The following KCNH7 variants were observed in gnomAD, a reference collection of about 807,000 sequenced individuals.
The protein encoded by KCNH7 is voltage-gated inwardly rectifying potassium channel KCNH7.
A neutral mutation model predicts 120.8 loss-of-function variants in KCNH7; 49 were observed. The observed-to-expected ratio is 0.41, with a 90% CI of 0.32 to 0.51. KCNH7 has a LOEUF of 0.51. Ranked by LOEUF, KCNH7 falls within the 20% of genes least tolerant of loss-of-function variation. KCNH7 has a pLI of 0.38. For missense variants in KCNH7, 1,097 were observed against 1,446.6 expected (o/e 0.76, Z 3.92); for synonymous variants, 547 against 516.1 (o/e 1.06, Z -0.81).
chr2:162,394,840 A>T (rs1205248494), intron 11 of KCNH7, among the ~76,000 whole-genome samples: 1 of 151,868 alleles, frequency 6.6e-6, no homozygotes, highest in Non-Finnish European at 1.5e-5. Flanking sequence ...TGACCCTTGA[A>T]CAATACAGGC....
chr2:162,579,132 T>G (rs16846953), intron 2 of KCNH7, among the ~76,000 whole-genome samples: 6,675 of 152,002 alleles, frequency 0.044, 295 homozygotes, highest in East Asian at 0.11. Flanking sequence ...TTGAGTCATA[T>G]AAATAATTTG....
intron 6 of KCNH7, among the ~76,000 whole-genome samples, chr2:162,496,067 A>G (rs550115040): frequency 6.6e-6 from 1 of 152,266 alleles, no homozygotes; most frequent in East Asian, 1.9e-4. Flanking sequence ...ATGGCGATGC[A>G]AATGAAACCA....
intron 2 of KCNH7, among the ~76,000 whole-genome samples, chr2:162,738,273 T>C (rs1408250896): frequency 3.3e-5 from 5 of 152,096 alleles, no homozygotes; most frequent in Non-Finnish European, 7.4e-5. Flanking sequence ...CTGTTACTCC[T>C]TGCATGCAAA....
intron 2 of KCNH7, among the ~76,000 whole-genome samples, chr2:162,632,832 T>G (rs1322697478): frequency 6.6e-6 from 1 of 151,802 alleles, no homozygotes; most frequent in Non-Finnish European, 1.5e-5. Context: ...ACAAATAAAT[T>G]TTATATGAAT....
chr2:162,396,733 C>T lies in KCNH7; in HGVS notation c.2613+7G>A, dbSNP rs367651744. On this transcript the variant is annotated splice_region_variant and intron_variant, in intron 11 of 15. Transcript: ENST00000332142. ...AATACAGACATAAGCAAACAGTTAA[C>T]ATATACCTTTGCGCTCTCATGCCTT... 2.9e-5 allele frequency: 46 copies of T among 1,594,506 alleles called. No homozygotes were observed. The Middle Eastern group carries it at 9.9e-4, about 34-fold the overall frequency.
chr2:162,622,157 T>C (rs1683385862), intron 2 of KCNH7, among the ~76,000 whole-genome samples: 1 of 152,214 alleles, frequency 6.6e-6, no homozygotes, highest in Non-Finnish European at 1.5e-5. Flanking sequence ...AGTTATCAAA[T>C]ATACAATACT....
intron 2 of KCNH7, among the ~76,000 whole-genome samples, chr2:162,735,161 A>G (rs1687856769): frequency 6.6e-6 from 1 of 152,206 alleles, no homozygotes. Context: ...AAGTAATGAG[A>G]GAAATCTAAT....
intron 8 of KCNH7, among the ~76,000 whole-genome samples, chr2:162,424,823 C>A (rs186919793): frequency 1.1e-4 from 16 of 152,244 alleles, no homozygotes; most frequent in Admixed American, 5.2e-4. Context: ...AAAGCAGTGA[C>A]CCCTTGTTTT....
chr2:162,767,549 T>A (rs2105464619), intron 2 of KCNH7, among the ~76,000 whole-genome samples: 1 of 152,272 alleles, frequency 6.6e-6, no homozygotes, highest in Non-Finnish European at 1.5e-5. Flanking sequence ...GAATTAATTA[T>A]GATGTAAATT....
intron 2 of KCNH7, among the ~76,000 whole-genome samples, chr2:162,548,536 C>T (rs556692372): frequency 6.6e-6 from 1 of 152,232 alleles, no homozygotes; most frequent in South Asian, 2.1e-4. Flanking sequence ...TCCATTTCTA[C>T]ATTGAGACCA....
chr2:162,759,096 G>A (rs1232032517), intron 2 of KCNH7, among the ~76,000 whole-genome samples: 1 of 152,188 alleles, frequency 6.6e-6, no homozygotes, highest in Admixed American at 6.6e-5. Context: ...TAAAGATTGG[G>A]CCTGGGTTTC....
At chr2:162,519,543 G>C (rs1691445172) in intron 3 of KCNH7, among the ~76,000 whole-genome samples, 1 of 151,652 alleles carries the variant, frequency 6.6e-6, no homozygotes, top group Non-Finnish European at 1.5e-5. Context: ...CTTTTTTTAT[G>C]TCAAGCATGA....
Position 162,423,525 on chromosome 2 carries a change from A to G in KCNH7, c.1965T>C (p.Tyr655=). Residue 655 remains tyrosine (Y), a synonymous_variant, in exon 9 of 16, where the codon TAT becomes TAC. Transcript: ENST00000332142. ...ICVMLIGSLM[Y]ASIFGNVSAI... ...CAGATACATTCCCAAAAATGCTTGC[A>G]TACATTAGTGCTGGATTGGATAAAA... 1 of 1,613,760 alleles carries G rather than the reference A, an allele frequency of 6.2e-7. No homozygotes were observed. Among genetic ancestry groups the G allele is most frequent in the East Asian group, 2.2e-5 (1 of 44,836 alleles).
intron 2 of KCNH7, among the ~76,000 whole-genome samples, chr2:162,703,911 C>T (rs113207202): frequency 6.6e-6 from 1 of 152,082 alleles, no homozygotes; most frequent in East Asian, 1.9e-4. Context: ...AAGCAATCCA[C>T]CTGCCAACTG....
Position 162,728,326 on chromosome 2 carries a change from T to C in KCNH7, c.307+108211A>G, listed in dbSNP as rs551720101. ...TTGGTGAAATGTCTCTACAAAGATTTTGCCTGTAAAATGAAGCTGTTTGAG... is the reference window on the plus strand; with the variant it reads ...TTGGTGAAATGTCTCTACAAAGATTCTGCCTGTAAAATGAAGCTGTTTGAG... On this transcript the variant is annotated intron_variant, in intron 2 of 15. Coordinates refer to ENST00000332142, the MANE Select transcript of KCNH7 (RefSeq NM_033272.4). 2.2e-4 allele frequency among the ~76,000 whole-genome samples: 33 copies of C among 152,354 alleles called. No individual in the cohort carries two copies. The South Asian group carries it at 6.4e-3, about 30-fold the overall frequency.
intron 2 of KCNH7, among the ~76,000 whole-genome samples, chr2:162,789,494 A>G (rs1438545450): frequency 6.6e-6 from 1 of 152,042 alleles, no homozygotes; most frequent in Non-Finnish European, 1.5e-5. Context: ...CTTGAACAAC[A>G]CTATAGACCA....
At chr2:162,702,006 CAAA>C (rs11297562) in intron 2 of KCNH7, among the ~76,000 whole-genome samples, 1 of 135,920 alleles carries the variant, frequency 7.4e-6, no homozygotes, top group Non-Finnish European at 1.6e-5. Flanking sequence ...GACGCCATCT[CAAA>C]AAAAAAAAAG....
At chr2:162,591,063 G>T (rs147394749) in intron 2 of KCNH7, among the ~76,000 whole-genome samples, 405 of 152,006 alleles carry the variant, frequency 2.7e-3, no homozygotes, top group African/African-American at 9.3e-3. Context: ...CTTCCTTTCT[G>T]ACTGCATTTC....
intron 13 of KCNH7, among the ~76,000 whole-genome samples, chr2:162,381,948 A>G (rs1421971208): frequency 6.6e-6 from 1 of 152,232 alleles, no homozygotes; most frequent in South Asian, 2.1e-4. Flanking sequence ...GAATACCTAT[A>G]TAAATGGTCT....
Sources: gnomAD v4.1 joint callset for allele counts (sites outside exome capture counted in the v4.1 genomes callset) on GRCh38, gnomAD v4.1.1 for gene constraint, MANE v1.5 for transcripts, NCBI Gene and HGNC (gene_info 2026-07-23, HGNC 2026-07-21) for gene names.